Variants in ECE1 observed in about 807,000 individuals in gnomAD.
ECE1 encodes the protein endothelin converting enzyme 1.
A neutral mutation model predicts 98.6 loss-of-function variants in ECE1; 35 were observed. The observed-to-expected ratio is 0.35, with a 90% confidence interval of 0.27 to 0.47. ECE1 has a LOEUF of 0.47. Ranked by LOEUF, ECE1 falls within the 20% of genes least tolerant of loss-of-function variation. ECE1 has a pLI of 1.00. For missense variants in ECE1, 814 were observed against 1,025.3 expected (o/e 0.79, Z 2.81); for synonymous variants, 394 against 407.1 (o/e 0.97, Z 0.39).
intron 10 of ECE1, among the ~76,000 whole-genome samples, chr1:21,243,878 G>A (rs2098199757): frequency 6.6e-6 from 1 of 152,240 alleles, no homozygotes; most frequent in African/African-American, 2.4e-5. Context: ...TGGTGCCCTT[G>A]GAAGTGCCTC....
Position 21,290,097 on chromosome 1 carries a change from C to T in ECE1, c.111G>A (p.Glu37=), listed in dbSNP as rs575925578. Residue 37 remains glutamate, a synonymous_variant, in exon 2 of 19, where the codon GAG becomes GAA. Transcript: ENST00000374893. This position sits in a 1 kb window ranked among gnomAD's most constrained non-coding sequence, Gnocchi z 7.3. ...GCAGGCCGTTGGGGTATGCGTCGCC[C>T]TCGGAGAGCGAGTCCACCAGGTCCT... ...DEEDLVDSLS[E]GDAYPNGLQV... 86 of 1,549,774 alleles carry T rather than the reference C, an allele frequency of 5.5e-5. No individual in the cohort carries two copies. In the East Asian group the frequency reaches 2.1e-3, roughly 38 times the overall value.
chr1:21,258,593 A>AC lies in ECE1; in HGVS notation c.762+99dup, dbSNP rs2098222859. On this transcript the variant is annotated intron_variant, in intron 6 of 18. Coordinates refer to ENST00000374893, the MANE Select transcript of ECE1 (RefSeq NM_001397.3). This position sits in a 1 kb window ranked among gnomAD's most constrained non-coding sequence, Gnocchi z 4.2. The stretch of plus-strand genomic sequence containing the variant: ...TCAGAAACTAGAAGACCGCCGTCCC[A>AC]CCCAGGGCAAGCCCCTCTCCCACCC... The AC allele has an allele frequency of 2.2e-5, 14 of 625,470 alleles. No homozygotes were observed. Among genetic ancestry groups the AC allele is most frequent in the Non-Finnish European group, 3.7e-5 (13 of 347,882 alleles). The allele number at this position is 625,470 out of a possible 1,614,324, so 38.7% of individuals were successfully genotyped here.
chr1:21,236,814 C>T lies in ECE1; in HGVS notation c.1420G>A (p.Ala474Thr). The T allele has an allele frequency of 6.2e-7, 1 of 1,613,990 alleles. No homozygotes were observed. Among genetic ancestry groups the T allele is most frequent in the Non-Finnish European group, 8.5e-7 (1 of 1,180,000 alleles). ...ATEIILEIKK[A>T]FEESLSTLKW... is the part of the protein sequence containing the mutation. Reference sequence around the variant, plus strand: ...AGGGTGCTCAGGCTTTCCTCAAATGCCTTCTTAATCTCCAGGATGATCTCG... The same window carrying T: ...AGGGTGCTCAGGCTTTCCTCAAATGTCTTCTTAATCTCCAGGATGATCTCG... The change falls in exon 12 of 19, where the codon GCA (alanine) becomes ACA (threonine). Residue 474 changes from alanine to threonine, a missense_variant. Ala to Thr is a moderately conservative substitution (Grantham distance 58). Transcript: ENST00000374893.
At chr1:21,264,979 T>C (rs1046707852) in intron 4 of ECE1, among the ~76,000 whole-genome samples, 6 of 152,182 alleles carry the variant, frequency 3.9e-5, no homozygotes, top group Non-Finnish European at 5.9e-5. Context: ...TACAATCGCC[T>C]CTTCCCTCTC....
Position 21,220,922 on chromosome 1 carries a change from G to A in ECE1, c.2137-791C>T, listed in dbSNP as rs2098166590. Among the ~76,000 whole-genome samples the A allele has an allele frequency of 6.6e-6, 1 of 152,168 alleles. No individual in the cohort carries two copies. The highest frequency in any genetic ancestry group is 1.5e-5 in the Non-Finnish European group (1 of 68,032). On this transcript the variant is annotated intron_variant, in intron 18 of 18. Transcript: ENST00000374893. This position sits in a 1 kb window ranked among gnomAD's most constrained non-coding sequence, Gnocchi z 5.0. ...GAGACAGTGGGCTGGTGTAGGGCTG[G>A]TGTGCCACCCCCCATGCCAGCAGCC...
At chr1:21,315,789 C>CAA (rs754647376) in intron 1 of ECE1, among the ~76,000 whole-genome samples, 492 of 45,768 alleles carry the variant, frequency 0.011, 9 homozygotes, top group African/African-American at 0.029. Flanking sequence ...GACTCTGTCT[C>CAA]AAAAAAAAAA....
At chr1:21,331,696 C>T (rs1639203932) in intron 1 of ECE1, among the ~76,000 whole-genome samples, 1 of 152,118 alleles carries the variant, frequency 6.6e-6, no homozygotes, top group Non-Finnish European at 1.5e-5. Flanking sequence ...ACCTCTCTGT[C>T]CCTCAGTTTT....
At chr1:21,315,429 C>T (rs1638810713) in intron 1 of ECE1, among the ~76,000 whole-genome samples, 1 of 152,154 alleles carries the variant, frequency 6.6e-6, no homozygotes, top group South Asian at 2.1e-4. Context: ...CAGCTGGTGC[C>T]ACCTCACCCT....
chr1:21,337,104 T>C (rs1639318632), intron 1 of ECE1, among the ~76,000 whole-genome samples: 1 of 152,170 alleles, frequency 6.6e-6, no homozygotes, highest in East Asian at 1.9e-4. Context: ...GTTGCACTCC[T>C]AAGTATGTGC....
chr1:21,289,993 C>CGGGGGGGGGGGGGGGGGGG (rs1453728961), intron 2 of ECE1, 77 bp downstream of exon 2: 18 of 897,740 alleles, frequency 2.0e-5, no homozygotes, highest in Admixed American at 9.9e-5. Context: ...TAGGTAGGGG[C>CGGGGGGGGGGGGGGGGGGG]GGGGGGCGCG....
At chr1:21,343,546 T>C (rs1363462343) in intron 1 of ECE1, among the ~76,000 whole-genome samples, 1 of 152,222 alleles carries the variant, frequency 6.6e-6, no homozygotes, top group Non-Finnish European at 1.5e-5. Context: ...AAAAGAAAAC[T>C]AAGCAGTACT....
chr1:21,269,521 G>A (rs973488671), intron 4 of ECE1, among the ~76,000 whole-genome samples: 3 of 152,272 alleles, frequency 2.0e-5, no homozygotes, highest in South Asian at 4.1e-4. Context: ...GTGATGAGCC[G>A]AGGACCTAAA....
At chr1:21,342,422 C>T (rs1238215050) in intron 1 of ECE1, among the ~76,000 whole-genome samples, 2 of 152,090 alleles carry the variant, frequency 1.3e-5, no homozygotes, top group Non-Finnish European at 2.9e-5. Flanking sequence ...AAAGCCTCCT[C>T]AGAACCCTCG....
chr1:21,292,027 G>A (rs1296027890), upstream of ECE1, among the ~76,000 whole-genome samples: 1 of 151,404 alleles, frequency 6.6e-6, no homozygotes, highest in Non-Finnish European at 1.5e-5. Flanking sequence ...GTGGTGGTAT[G>A]CGCCTGTAGT....
intron 1 of ECE1, among the ~76,000 whole-genome samples, chr1:21,296,288 T>G (rs911656510): frequency 6.6e-6 from 1 of 152,024 alleles, no homozygotes; most frequent in African/African-American, 2.4e-5. Flanking sequence ...GTGGGCAGAT[T>G]GCTTGAGCCC....
At chr1:21,335,914 G>A (rs574220510) in intron 1 of ECE1, among the ~76,000 whole-genome samples, 3 of 152,178 alleles carry the variant, frequency 2.0e-5, no homozygotes, top group African/African-American at 7.2e-5. Context: ...CCAATCAGTG[G>A]GTCTCCAGGG....
chr1:21,334,367 G>T (rs1226631263), intron 1 of ECE1, among the ~76,000 whole-genome samples: 2 of 152,216 alleles, frequency 1.3e-5, no homozygotes, highest in Admixed American at 6.5e-5. Flanking sequence ...ACACTCAGGG[G>T]CGAAGGAAGA....
In ECE1 at chr1:21,247,301, G is replaced by T. The variant is rs753829015; in HGVS notation, c.1083C>A (p.Ile361=). 41 of 1,614,122 alleles carry T rather than the reference G, an allele frequency of 2.5e-5. No individual in the cohort carries two copies. The highest frequency in any genetic ancestry group is 1.1e-4 in the East Asian group (5 of 44,896). ...FLNTIFYPVE[I]NESEPIVVYD... ...AGACCACAATAGGCTCGGATTCATT[G>T]ATCTCCACGGGGTAGAAGATGGTGT... Residue 361 remains isoleucine (I), a synonymous_variant, in exon 9 of 19, where the codon ATC becomes ATA. Transcript: ENST00000374893.
intron 4 of ECE1, among the ~76,000 whole-genome samples, chr1:21,269,978 G>A (rs1437925517): frequency 6.6e-6 from 1 of 152,162 alleles, no homozygotes; most frequent in Non-Finnish European, 1.5e-5. Context: ...AGGAACAGTG[G>A]GGATGGACTC....
Sources: gnomAD v4.1 joint callset for allele counts (sites outside exome capture counted in the v4.1 genomes callset) on GRCh38, gnomAD v4.1.1 for gene constraint, Gnocchi (gnomAD v3.1) non-coding constraint, MANE v1.5 for transcripts, NCBI Gene and HGNC (gene_info 2026-07-23, HGNC 2026-07-21) for gene names.